Variants in MARCHF1 observed in about 807,000 individuals in gnomAD.
The protein encoded by MARCHF1 is E3 ubiquitin-protein ligase MARCHF1.
MARCHF1 carries 40 observed loss-of-function variants against 54.2 expected under a neutral mutation model. The ratio of observed to expected loss-of-function variants is 0.74; its 90% CI spans 0.57 to 0.96. The LOEUF is 0.96. Among genes scored for constraint, MARCHF1 ranks in the 40% least tolerant of loss-of-function variants. The probability of loss-of-function intolerance (pLI) is 0.00; values close to 1 mark genes in which losing one functional copy is unlikely to be tolerated. For missense variants in MARCHF1, 586 were observed against 656.5 expected (o/e 0.89, Z 1.17); for synonymous variants, 236 against 236.3 (o/e 1.00, Z 0.01).
intron 4 of MARCHF1, among the ~76,000 whole-genome samples, chr4:163,783,039 TAAAG>T (rs748354706): frequency 2.2e-4 from 33 of 152,118 alleles, no homozygotes; most frequent in Non-Finnish European, 4.3e-4. Context: ...AATATAAAGA[TAAAG>T]AAAGATCAGA....
intron 5 of MARCHF1, chr4:163,613,628 G>C: frequency 3.5e-6 from 5 of 1,423,588 alleles, no homozygotes; most frequent in Non-Finnish European, 4.6e-6. Flanking sequence ...TCATTTACGA[G>C]AGAGGAAGAT....
At chr4:163,634,770 C>G (rs904950588) in intron 5 of MARCHF1, among the ~76,000 whole-genome samples, 19 of 143,762 alleles carry the variant, frequency 1.3e-4, no homozygotes, top group African/African-American at 5.1e-4. Flanking sequence ...ACAGAAGTCT[C>G]CACCCCAAAT....
chr4:163,895,326 C>T (rs569160373), intron 3 of MARCHF1, among the ~76,000 whole-genome samples: 118 of 152,136 alleles, frequency 7.8e-4, no homozygotes, highest in Non-Finnish European at 9.3e-4. Context: ...CCAATTAAAC[C>T]CTCCTCTGAA....
intron 2 of MARCHF1, among the ~76,000 whole-genome samples, chr4:164,064,000 G>A (rs6536788): frequency 0.72 from 109,372 of 151,952 alleles, 39,973 homozygotes; most frequent in Non-Finnish European, 0.79. Flanking sequence ...TGAGTTCTCT[G>A]TTCTGTTCCA....
chr4:164,361,558 T>C (rs1561019039), intron 1 of MARCHF1, among the ~76,000 whole-genome samples: 2 of 152,148 alleles, frequency 1.3e-5, no homozygotes, highest in Non-Finnish European at 1.5e-5. Flanking sequence ...TCTGTGATTT[T>C]TCTCTCATTT....
At chr4:164,202,195 T>C (rs1731474128) in intron 1 of MARCHF1, among the ~76,000 whole-genome samples, 2 of 152,304 alleles carry the variant, frequency 1.3e-5, no homozygotes, top group Non-Finnish European at 1.5e-5. Flanking sequence ...CAGGAAAGCT[T>C]GCCCAAGAAA....
chr4:163,740,923 G>C (rs1746176853), intron 4 of MARCHF1, among the ~76,000 whole-genome samples: 1 of 152,142 alleles, frequency 6.6e-6, no homozygotes, highest in Non-Finnish European at 1.5e-5. Flanking sequence ...CCATTTTTAA[G>C]AATAACATCT....
intron 1 of MARCHF1, among the ~76,000 whole-genome samples, chr4:164,195,039 G>A (rs777101842): frequency 2.7e-5 from 4 of 150,188 alleles, no homozygotes; most frequent in Non-Finnish European, 5.9e-5. Flanking sequence ...TTTTCAACTC[G>A]CACTCATGAG....
intron 4 of MARCHF1, among the ~76,000 whole-genome samples, chr4:163,800,385 CAT>C (rs1386274968): frequency 6.6e-6 from 1 of 151,800 alleles, no homozygotes; most frequent in East Asian, 1.9e-4. Flanking sequence ...TTAAGTGGCA[CAT>C]GTGTTGTTCT....
At chr4:163,823,907 A>G (rs534250492) in intron 4 of MARCHF1, among the ~76,000 whole-genome samples, 8 of 151,928 alleles carry the variant, frequency 5.3e-5, no homozygotes, top group Non-Finnish European at 1.0e-4. Flanking sequence ...ATAGAAATTG[A>G]GAAAAAGAAA....
At chr4:164,064,092 T>G (rs1754677270) in intron 2 of MARCHF1, among the ~76,000 whole-genome samples, 1 of 152,218 alleles carries the variant, frequency 6.6e-6, no homozygotes, top group African/African-American at 2.4e-5. Context: ...AGTCAGGTAG[T>G]GTGATGCCTC....
At chr4:163,589,636 C>T (rs1740520369) in intron 7 of MARCHF1, among the ~76,000 whole-genome samples, 1 of 152,086 alleles carries the variant, frequency 6.6e-6, no homozygotes, top group South Asian at 2.1e-4. Context: ...TGATATACTT[C>T]ACACAAATCA....
At chr4:163,769,852 C>T (rs1188796701) in intron 4 of MARCHF1, among the ~76,000 whole-genome samples, 2 of 152,048 alleles carry the variant, frequency 1.3e-5, no homozygotes, top group Non-Finnish European at 2.9e-5. Context: ...ATACAATTGA[C>T]CCTTGAGCCA....
At chr4:164,275,819 A>G (rs762309506) in intron 1 of MARCHF1, among the ~76,000 whole-genome samples, 10 of 152,246 alleles carry the variant, frequency 6.6e-5, no homozygotes, top group Non-Finnish European at 1.3e-4. Context: ...AGAGGACTCT[A>G]TTTAAAGGGA....
At chr4:164,315,454 C>G (rs1734972034) in intron 1 of MARCHF1, among the ~76,000 whole-genome samples, 1 of 152,086 alleles carries the variant, frequency 6.6e-6, no homozygotes, top group Admixed American at 6.6e-5. Context: ...CTTCAATATG[C>G]AGACTATATT....
At chr4:163,900,351 T>A (rs28620821) in intron 3 of MARCHF1, among the ~76,000 whole-genome samples, 22,068 of 150,540 alleles carry the variant, frequency 0.15, 1,713 homozygotes, top group East Asian at 0.23. Flanking sequence ...TTTTTTTTTT[T>A]AAAAAAACTC....
intron 1 of MARCHF1, among the ~76,000 whole-genome samples, chr4:164,341,499 A>C (rs920268024): frequency 5.3e-5 from 8 of 152,240 alleles, no homozygotes; most frequent in African/African-American, 1.9e-4. Context: ...GTTAAAACAA[A>C]ATACTATAAA....
chr4:163,955,369 C>CAA (rs79667612), intron 3 of MARCHF1, among the ~76,000 whole-genome samples: 15 of 93,794 alleles, frequency 1.6e-4, no homozygotes, highest in Non-Finnish European at 1.4e-4. Context: ...AAAAACAAAG[C>CAA]AAAAAAAAAA....
At chr4:163,725,895 C>T (rs59393927) in intron 4 of MARCHF1, among the ~76,000 whole-genome samples, 3,775 of 152,280 alleles carry the variant, frequency 0.025, 158 homozygotes, top group African/African-American at 0.085. Flanking sequence ...AACAACTATG[C>T]TTAGGATGAC....
Sources: allele counts gnomAD v4.1 joint callset (sites outside exome capture counted in the v4.1 genomes callset), GRCh38; gene constraint gnomAD v4.1.1; transcripts MANE v1.5; gene names NCBI Gene and HGNC (gene_info 2026-07-23, HGNC 2026-07-21).